Variants in OSBPL10 observed in about 807,000 individuals in gnomAD.
OSBPL10 encodes oxysterol-binding protein-related protein 10.
OSBPL10 carries 49 observed loss-of-function variants against 81.7 expected under a neutral mutation model. That is an observed-to-expected ratio of 0.60 (90% CI 0.48 to 0.76). The LOEUF (loss-of-function observed/expected upper bound fraction) is 0.76. OSBPL10 is among the 30% of genes least tolerant of loss of function. OSBPL10 has a pLI of 0.00. For missense variants in OSBPL10, 923 were observed against 987.8 expected, an observed-to-expected ratio of 0.93 and a Z score of 0.88; for synonymous variants, 419 against 383.6, an observed-to-expected ratio of 1.09 and a Z score of -1.08.
At chr3:32,032,389 G>A (rs529506507) in intron 2 of OSBPL10, among the ~76,000 whole-genome samples, 3 of 152,144 alleles carry the variant, frequency 2.0e-5, no homozygotes, top group East Asian at 1.9e-4. Flanking sequence ...CAGCCTGGGC[G>A]ACAGAGTGAG....
intron 3 of OSBPL10, among the ~76,000 whole-genome samples, chr3:31,860,445 G>A (rs1701030084): frequency 6.6e-6 from 1 of 152,172 alleles, no homozygotes; most frequent in South Asian, 2.1e-4. Flanking sequence ...TACTATGGGA[G>A]AAGAATGAGG....
At chr3:31,728,254 ATGAC>A (rs1242395993) in intron 6 of OSBPL10, among the ~76,000 whole-genome samples, 5 of 152,214 alleles carry the variant, frequency 3.3e-5, no homozygotes, top group African/African-American at 9.6e-5. Flanking sequence ...TGTAATCCAG[ATGAC>A]TAACTAGGCA....
intron 2 of OSBPL10, among the ~76,000 whole-genome samples, chr3:32,043,671 C>T (rs4955130): frequency 0.78 from 118,022 of 152,048 alleles, 46,494 homozygotes; most frequent in East Asian, 1. Context: ...GCCAGCACTA[C>T]GTGTAGCAGG....
At chr3:31,805,822 C>T (rs912205390) in intron 4 of OSBPL10, among the ~76,000 whole-genome samples, 4 of 152,006 alleles carry the variant, frequency 2.6e-5, no homozygotes, top group Non-Finnish European at 5.9e-5. Context: ...AAGGGAAGAA[C>T]AGCTCTTCCC....
At chr3:31,745,530 T>C (rs577442654) in intron 5 of OSBPL10, among the ~76,000 whole-genome samples, 1 of 152,198 alleles carries the variant, frequency 6.6e-6, no homozygotes, top group Non-Finnish European at 1.5e-5. Context: ...AGAATTATAA[T>C]GCTCGCAAGA....
chr3:31,890,629 T>C (rs542074596), intron 1 of OSBPL10, among the ~76,000 whole-genome samples: 29 of 152,286 alleles, frequency 1.9e-4, no homozygotes, highest in Admixed American at 2.0e-4. Flanking sequence ...AGCTTGGATT[T>C]GATCTATGAT....
At chr3:31,971,008 C>T (rs538764363) in intron 1 of OSBPL10, among the ~76,000 whole-genome samples, 3 of 152,258 alleles carry the variant, frequency 2.0e-5, no homozygotes, top group African/African-American at 4.8e-5. Context: ...CCTCCACCTG[C>T]GACTTCTGCC....
At chr3:31,671,247 G>A (rs540940239) in intron 8 of OSBPL10, among the ~76,000 whole-genome samples, 1 of 152,206 alleles carries the variant, frequency 6.6e-6, no homozygotes, top group African/African-American at 2.4e-5. Context: ...ACACAAAATT[G>A]TAACAGTGAT....
chr3:31,747,487 T>TAAAA (rs61150758), intron 5 of OSBPL10, among the ~76,000 whole-genome samples: 102 of 98,424 alleles, frequency 1.0e-3, no homozygotes, highest in African/African-American at 3.0e-3. Flanking sequence ...AATCTTCAAA[T>TAAAA]AAAAAAAAAA....
intron 5 of OSBPL10, among the ~76,000 whole-genome samples, chr3:31,745,108 A>T (rs1344840028): frequency 6.6e-6 from 1 of 152,214 alleles, no homozygotes; most frequent in Non-Finnish European, 1.5e-5. Flanking sequence ...AGCAAGAGGA[A>T]AGGTAGAAAA....
intron 4 of OSBPL10, among the ~76,000 whole-genome samples, chr3:31,819,544 G>A (rs1699930098): frequency 6.6e-6 from 1 of 152,166 alleles, no homozygotes; most frequent in South Asian, 2.1e-4. Flanking sequence ...CAGGCCAGGG[G>A]CCACGTAGGA....
At chr3:31,676,395 CAA>C (rs1453648481) in intron 8 of OSBPL10, among the ~76,000 whole-genome samples, 2 of 140,920 alleles carry the variant, frequency 1.4e-5, no homozygotes, top group Non-Finnish European at 1.6e-5. Context: ...TAAGAGAAGC[CAA>C]AAAAAAAAAA....
chr3:31,800,710 T>G (rs1296977204), intron 4 of OSBPL10, among the ~76,000 whole-genome samples: 2 of 152,200 alleles, frequency 1.3e-5, no homozygotes, highest in African/African-American at 4.8e-5. Context: ...AGCCAAACCA[T>G]GAAATTCAAT....
At chr3:32,010,582 C>T (rs961816977) in intron 2 of OSBPL10, among the ~76,000 whole-genome samples, 4 of 152,156 alleles carry the variant, frequency 2.6e-5, no homozygotes, top group Non-Finnish European at 4.4e-5. Context: ...TGGGGATTGT[C>T]GGACAGTGGG....
chr3:31,956,297 A>G (rs955183670), intron 1 of OSBPL10, among the ~76,000 whole-genome samples: 1 of 152,180 alleles, frequency 6.6e-6, no homozygotes, highest in Non-Finnish European at 1.5e-5. Context: ...GGACAAGGAG[A>G]GTTGAGGGGA....
At chr3:31,713,504 C>A (rs758423090) in intron 6 of OSBPL10, among the ~76,000 whole-genome samples, 4 of 152,148 alleles carry the variant, frequency 2.6e-5, no homozygotes, top group Admixed American at 6.5e-5. Flanking sequence ...TTAAGCAATT[C>A]TCCTGCCTCA....
intron 1 of OSBPL10, among the ~76,000 whole-genome samples, chr3:31,970,319 TTC>T (rs1698523815): frequency 6.6e-6 from 1 of 152,226 alleles, no homozygotes; most frequent in African/African-American, 2.4e-5. Flanking sequence ...GCCAGATTTC[TTC>T]TGTCTCCATG....
intron 3 of OSBPL10, among the ~76,000 whole-genome samples, chr3:31,870,434 C>G (rs565414283): frequency 6.6e-6 from 1 of 152,230 alleles, no homozygotes; most frequent in Admixed American, 6.5e-5. Context: ...CGAGCCTCCC[C>G]GACGAGCGCC....
intron 1 of OSBPL10, among the ~76,000 whole-genome samples, chr3:31,940,762 C>T (rs1414448004): frequency 1.3e-5 from 2 of 151,998 alleles, no homozygotes; most frequent in African/African-American, 2.4e-5. Flanking sequence ...TGAGACTCAG[C>T]GTAGATGTTA....
Sources: gnomAD v4.1 joint callset for allele counts (sites outside exome capture counted in the v4.1 genomes callset) on GRCh38, gnomAD v4.1.1 for gene constraint, MANE v1.5 for transcripts, NCBI Gene and HGNC (gene_info 2026-07-23, HGNC 2026-07-21) for gene names.